RPF2: variants seen among roughly 807,000 people sequenced by gnomAD.
The protein encoded by RPF2 is ribosome production factor 2 homolog, also known as brix domain containing 1.
A neutral mutation model predicts 38.9 loss-of-function variants in RPF2; 21 were observed. That is an observed-to-expected ratio of 0.54 (90% CI 0.38 to 0.78). The LOEUF is 0.78. Ranked by LOEUF, RPF2 falls within the 30% of genes least tolerant of loss-of-function variation. RPF2 has a pLI of 0.00. For missense variants in RPF2, 314 were observed against 358.1 expected (o/e 0.88, Z 0.99); for synonymous variants, 121 against 126.2 (o/e 0.96, Z 0.28).
chr6:111,003,882 G>A (rs373280144), intron 6 of RPF2, among the ~76,000 whole-genome samples: 11 of 152,030 alleles, frequency 7.2e-5, no homozygotes, highest in Admixed American at 3.3e-4. Flanking sequence ...GCGTGATCTC[G>A]GCTCACTGCA....
chr6:111,001,396 G>A (rs1392984723), intron 6 of RPF2, among the ~76,000 whole-genome samples: 6 of 150,002 alleles, frequency 4.0e-5, no homozygotes, highest in East Asian at 2.0e-4. Flanking sequence ...TTTTTCTTTC[G>A]AGACAGGGTC....
chr6:111,015,859 A>G lies in RPF2; in HGVS notation c.596+3A>G, dbSNP rs1238227607. The G allele has an allele frequency of 6.3e-7, 1 of 1,580,096 alleles. No homozygotes were observed. On this transcript the variant is annotated splice_donor_region_variant and intron_variant, in intron 8 of 9. Transcript: ENST00000441448. ...AAGATTTACTTTCGAAGCTATAAGTAAGTGCATTTCTTCACATATTTTCTT... is the reference window on the plus strand; with the variant it reads ...AAGATTTACTTTCGAAGCTATAAGTGAGTGCATTTCTTCACATATTTTCTT...
chr6:111,014,322 T>C (rs190997295), intron 7 of RPF2, among the ~76,000 whole-genome samples: 236 of 152,146 alleles, frequency 1.6e-3, no homozygotes, highest in Non-Finnish European at 2.5e-3. Context: ...TTAGTAGAGA[T>C]AGGGTTTCAC....
intron 4 of RPF2, among the ~76,000 whole-genome samples, chr6:110,996,203 T>C (rs1227630574): frequency 6.6e-6 from 1 of 151,574 alleles, no homozygotes; most frequent in Non-Finnish European, 1.5e-5. Context: ...CAGACTGGTA[T>C]GCAATGCTTT....
intron 8 of RPF2, among the ~76,000 whole-genome samples, chr6:111,022,384 A>C (rs986177947): frequency 1.3e-5 from 2 of 152,224 alleles, no homozygotes; most frequent in Admixed American, 1.3e-4. Flanking sequence ...AGCCCATCTG[A>C]GAGAGAAAGA....
chr6:111,015,004 C>T (rs1210170303), intron 7 of RPF2, among the ~76,000 whole-genome samples: 1 of 151,986 alleles, frequency 6.6e-6, no homozygotes, highest in African/African-American at 2.4e-5. Context: ...CCTCAAACTC[C>T]TGAGCTTAAG....
At chr6:111,007,314 G>A (rs184082516) in intron 6 of RPF2, among the ~76,000 whole-genome samples, 30 of 152,146 alleles carry the variant, frequency 2.0e-4, no homozygotes, top group African/African-American at 4.6e-4. Flanking sequence ...TATTCTTTGC[G>A]TAGACTAATG....
At chr6:110,994,820 G>A (rs1008625552) in intron 4 of RPF2, among the ~76,000 whole-genome samples, 5 of 150,878 alleles carry the variant, frequency 3.3e-5, no homozygotes, top group Admixed American at 1.3e-4. Context: ...GGTGTTTTAT[G>A]GAAAGCTTTG....
At chr6:110,998,754 C>T (rs1771762858) in intron 5 of RPF2, among the ~76,000 whole-genome samples, 1 of 151,950 alleles carries the variant, frequency 6.6e-6, no homozygotes, top group Admixed American at 6.6e-5. Flanking sequence ...AACTGTCTCT[C>T]TAAAATAATA....
At chr6:111,016,439 C>T (rs938053151) in intron 8 of RPF2, among the ~76,000 whole-genome samples, 1 of 151,950 alleles carries the variant, frequency 6.6e-6, no homozygotes, top group East Asian at 1.9e-4. Flanking sequence ...CTAAAAAAAA[C>T]CAGAAAAATT....
rs145354559 is a variant in RPF2, at chr6:110,985,591, C to G, written c.156+453C>G. On this transcript the variant is annotated intron_variant, in intron 2 of 9. Coordinates refer to ENST00000441448, the MANE Select transcript of RPF2 (RefSeq NM_032194.3). ...TAGAGAGATAGACATGTAAAAAGTT[C>G]TTACACTGTGCTGTGCTGGAGGCAT... is the stretch of plus-strand genomic sequence containing the variant. Among the ~76,000 whole-genome samples the G allele has an allele frequency of 4.0e-3, 608 of 152,208 alleles. 4 individuals carry two copies. The highest frequency in any genetic ancestry group is 0.014 in the African/African-American group (574 of 41,544).
At chr6:111,003,199 A>C (rs1422312794) in intron 6 of RPF2, among the ~76,000 whole-genome samples, 2 of 146,904 alleles carry the variant, frequency 1.4e-5, no homozygotes, top group African/African-American at 2.5e-5. Context: ...TTTTCCCTTT[A>C]CTTCTCCCTT....
chr6:111,006,427 G>C (rs1394673215), intron 6 of RPF2, among the ~76,000 whole-genome samples: 1 of 151,448 alleles, frequency 6.6e-6, no homozygotes, highest in Non-Finnish European at 1.5e-5. Flanking sequence ...GTAGAAACAG[G>C]GTTTCACCAT....
chr6:111,008,196 C>G lies in RPF2; in HGVS notation c.493+59C>G. 2.7e-6 allele frequency: 4 copies of G among 1,488,444 alleles called. No homozygotes were observed. In the South Asian group the frequency reaches 5.8e-5, roughly 22 times the overall value. The allele number at this position is 1,488,444 out of a possible 1,614,324, so 92.2% of individuals were successfully genotyped here. A position where few individuals can be genotyped will look rare whatever the true frequency, so the allele number is the denominator to read the frequency against. ...GCTCAGGAAGACAGTCTCAGACTCTCACTGGTGGCACTTTGCTACTTTAGG... is the reference window on the plus strand; with the variant it reads ...GCTCAGGAAGACAGTCTCAGACTCTGACTGGTGGCACTTTGCTACTTTAGG... On this transcript the variant is annotated intron_variant, in intron 7 of 9. Transcript: ENST00000441448.
intron 8 of RPF2, among the ~76,000 whole-genome samples, chr6:111,022,990 C>T (rs1772260894): frequency 6.6e-6 from 1 of 152,250 alleles, no homozygotes; most frequent in South Asian, 2.1e-4. Flanking sequence ...CCTCCGCCTC[C>T]TGGGTTTAAG....
At chr6:111,018,208 GGAGGGGGAGGGAGAGGGA>G (rs1772165979) in intron 8 of RPF2, among the ~76,000 whole-genome samples, 1 of 149,618 alleles carries the variant, frequency 6.7e-6, no homozygotes, top group African/African-American at 2.5e-5. Flanking sequence ...CCGGGGAGGG[GGAGGGGGAGGGAGAGGGA>G]GAGGGAGAGG....
At chr6:110,994,105 T>A (rs1272322043) in intron 4 of RPF2, among the ~76,000 whole-genome samples, 2 of 152,062 alleles carry the variant, frequency 1.3e-5, no homozygotes, top group African/African-American at 4.8e-5. Context: ...GGATAAACCC[T>A]GTCTCTATTA....
At chr6:110,992,169 G>C (rs1356708715) in intron 4 of RPF2, among the ~76,000 whole-genome samples, 2 of 152,058 alleles carry the variant, frequency 1.3e-5, no homozygotes, top group East Asian at 3.9e-4. Flanking sequence ...AATTAGCCGG[G>C]CGTGATGGCA....
rs1772096648 is a variant in RPF2, at chr6:111,015,750, T to G, written c.494-4T>G. 3 of 1,585,538 alleles carry G rather than the reference T, an allele frequency of 1.9e-6. No individual in the cohort carries two copies. In the East Asian group the frequency reaches 6.7e-5, roughly 35 times the overall value. ...TTTGTTAATAATTTAATATGTGCTT[T>G]TAGATTTCTTCAGAGGCCCCACAGT... On this transcript the variant is annotated splice_polypyrimidine_tract_variant and splice_region_variant and intron_variant, in intron 7 of 9. Coordinates refer to ENST00000441448, the MANE Select transcript of RPF2 (RefSeq NM_032194.3).
Sources: gnomAD v4.1 joint callset for allele counts (sites outside exome capture counted in the v4.1 genomes callset) on GRCh38, gnomAD v4.1.1 for gene constraint, MANE v1.5 for transcripts, NCBI Gene and HGNC (gene_info 2026-07-23, HGNC 2026-07-21) for gene names.